Variants in CNOT6L observed in about 807,000 individuals in gnomAD.
CNOT6L encodes CCR4-NOT transcription complex subunit 6-like.
CNOT6L carries 7 observed loss-of-function variants against 64.0 expected under a neutral mutation model. That is an observed-to-expected ratio of 0.11 (90% CI 0.06 to 0.21). The LOEUF is 0.21. Among genes scored for constraint, CNOT6L ranks in the 10% least tolerant of loss-of-function variants. The pLI is 1.00. For missense variants in CNOT6L, 245 were observed against 669.0 expected (o/e 0.37, Z 6.99); for synonymous variants, 193 against 243.4 (o/e 0.79, Z 1.93).
chr4:77,743,326 A>C (rs1723798749), intron 7 of CNOT6L, among the ~76,000 whole-genome samples: 1 of 152,090 alleles, frequency 6.6e-6, no homozygotes, highest in African/African-American at 2.4e-5. Context: ...GGAGGGTGTG[A>C]GGCTGTTATC....
intron 5 of CNOT6L, among the ~76,000 whole-genome samples, chr4:77,748,990 A>T (rs1483174397): frequency 6.6e-6 from 1 of 152,204 alleles, no homozygotes; most frequent in Non-Finnish European, 1.5e-5. Context: ...CTACCAGATG[A>T]GTTAAGATTT....
At chr4:77,819,832 G>A (rs1169378794), upstream of CNOT6L, among the ~76,000 whole-genome samples, 2 of 151,560 alleles carry the variant, frequency 1.3e-5, no homozygotes, top group African/African-American at 4.8e-5. Context: ...GCTGAAGGGA[G>A]CGAGGAGACA....
At chr4:77,740,041 C>G (rs549749788) in intron 8 of CNOT6L, among the ~76,000 whole-genome samples, 36 of 150,982 alleles carry the variant, frequency 2.4e-4, no homozygotes, top group Admixed American at 1.2e-3. Flanking sequence ...TTTTTTTAAG[C>G]TATGGTGTTT....
At chr4:77,788,972 A>G (rs1183644608) in intron 1 of CNOT6L, among the ~76,000 whole-genome samples, 4 of 152,164 alleles carry the variant, frequency 2.6e-5, no homozygotes, top group Non-Finnish European at 5.9e-5. Flanking sequence ...CTCTCTTTTC[A>G]TAAGTAAATA....
At chr4:77,811,289 C>T (rs377509302) in intron 1 of CNOT6L, among the ~76,000 whole-genome samples, 105 of 152,284 alleles carry the variant, frequency 6.9e-4, no homozygotes, top group Middle Eastern at 3.4e-3. Context: ...GTGGCTCACA[C>T]CTGTAATCCC....
chr4:77,814,276 A>C (rs1485375300), intron 1 of CNOT6L, among the ~76,000 whole-genome samples: 1 of 152,166 alleles, frequency 6.6e-6, no homozygotes, highest in Non-Finnish European at 1.5e-5. Flanking sequence ...GGTAATGAAA[A>C]TGTTCTAAAA....
intron 1 of CNOT6L, among the ~76,000 whole-genome samples, chr4:77,818,435 T>C (rs1733812708): frequency 2.0e-5 from 3 of 150,938 alleles, no homozygotes; most frequent in Admixed American, 1.3e-4. Context: ...TCCAAGAAAA[T>C]GTTTGTCTAA....
At chr4:77,759,092 G>A (rs529027332) in intron 4 of CNOT6L, among the ~76,000 whole-genome samples, 16 of 152,102 alleles carry the variant, frequency 1.1e-4, no homozygotes, top group South Asian at 6.2e-4. Context: ...AGAGATTAGA[G>A]AGAGAAGTGA....
chr4:77,766,382 T>A (rs919063810), intron 4 of CNOT6L, among the ~76,000 whole-genome samples: 3 of 152,130 alleles, frequency 2.0e-5, no homozygotes, highest in Non-Finnish European at 2.9e-5. Context: ...AACAAAAACA[T>A]ACAGCAAGTA....
chr4:77,817,697 AG>A (rs1045452575), intron 1 of CNOT6L, among the ~76,000 whole-genome samples: 87 of 152,346 alleles, frequency 5.7e-4, no homozygotes, highest in African/African-American at 2.0e-3. Flanking sequence ...TTGTTTTTCC[AG>A]TAGTGGTAAT....
At chr4:77,767,808 G>A (rs1727019798) in intron 4 of CNOT6L, among the ~76,000 whole-genome samples, 2 of 151,606 alleles carry the variant, frequency 1.3e-5, no homozygotes, top group South Asian at 2.1e-4. Context: ...GTGAAAACCC[G>A]TCTCTACTAA....
intron 1 of CNOT6L, among the ~76,000 whole-genome samples, chr4:77,803,182 A>T (rs1389533605): frequency 1.3e-5 from 2 of 152,150 alleles, no homozygotes; most frequent in African/African-American, 4.8e-5. Context: ...GGTCATGATC[A>T]GGCAAATCAC....
At chr4:77,791,304 G>A (rs1577989566) in intron 1 of CNOT6L, among the ~76,000 whole-genome samples, 1 of 152,100 alleles carries the variant, frequency 6.6e-6, no homozygotes, top group South Asian at 2.1e-4. Context: ...ATCATCTTCA[G>A]CATCATCTTT....
At chr4:77,757,349 G>A (rs931088043) in intron 4 of CNOT6L, among the ~76,000 whole-genome samples, 5 of 151,996 alleles carry the variant, frequency 3.3e-5, no homozygotes, top group African/African-American at 9.7e-5. Flanking sequence ...AAAAAAGAAG[G>A]GTCTTCGTAG....
chr4:77,762,040 C>A (rs1039801675), intron 4 of CNOT6L, among the ~76,000 whole-genome samples: 1 of 152,016 alleles, frequency 6.6e-6, no homozygotes, highest in East Asian at 1.9e-4. Flanking sequence ...GATCTATACC[C>A]TGAAAACTAC....
intron 11 of CNOT6L, among the ~76,000 whole-genome samples, chr4:77,721,328 G>C (rs529503864): frequency 1.3e-5 from 2 of 152,288 alleles, no homozygotes; most frequent in East Asian, 1.9e-4. Flanking sequence ...GTCAGAGCTA[G>C]ATGACTGGAT....
chr4:77,725,986 G>A (rs1560572423), intron 11 of CNOT6L, 181 bp downstream of exon 11: 2 of 597,472 alleles, frequency 3.3e-6, no homozygotes, highest in African/African-American at 1.9e-5. Context: ...AAGAATTTAA[G>A]ACAACAATAG....
rs72864908 is a variant in CNOT6L at position 77,729,427 on chromosome 4, C to A, written c.1025-346G>T. 1.8e-3 allele frequency among the ~76,000 whole-genome samples: 269 copies of A among 152,290 alleles called. 2 individuals carry two copies. Among genetic ancestry groups the A allele is most frequent in the African/African-American group, 5.4e-3 (225 of 41,562 alleles). The stretch of plus-strand genomic sequence containing the variant: ...AGTTACCTAAACCTCAATTTAAATT[C>A]TTACTACTGTCTAGTACTCATTCAC... On this transcript the variant is annotated intron_variant, in intron 9 of 11. Coordinates refer to ENST00000504123, the MANE Select transcript of CNOT6L (RefSeq NM_144571.3).
chr4:77,819,833 CGAG>C (rs1378834714), upstream of CNOT6L, among the ~76,000 whole-genome samples: 1 of 151,224 alleles, frequency 6.6e-6, no homozygotes, highest in Non-Finnish European at 1.5e-5. Context: ...CTGAAGGGAG[CGAG>C]GAGACAGACC....
Sources: gnomAD v4.1 joint callset for allele counts (sites outside exome capture counted in the v4.1 genomes callset) on GRCh38, gnomAD v4.1.1 for gene constraint, MANE v1.5 for transcripts, NCBI Gene and HGNC (gene_info 2026-07-23, HGNC 2026-07-21) for gene names.